Variants in CLEC16A observed in about 807,000 individuals in gnomAD.
The protein encoded by CLEC16A is C-type lectin domain containing 16A, also known as protein CLEC16A.
Under a neutral mutation model 109.5 loss-of-function variants are expected in CLEC16A, and 51 were observed. The observed-to-expected ratio is 0.47, with a 90% CI of 0.37 to 0.59. CLEC16A has a LOEUF of 0.59. Among genes scored for constraint, CLEC16A ranks in the 20% least tolerant of loss-of-function variants. CLEC16A has a pLI of 0.00. For missense variants in CLEC16A, 1,339 were observed against 1,394.0 expected, an observed-to-expected ratio of 0.96 and a Z score of 0.63; for synonymous variants, 673 against 564.2, an observed-to-expected ratio of 1.19 and a Z score of -2.73.
intron 8 of CLEC16A, among the ~76,000 whole-genome samples, chr16:10,979,008 CG>C (rs1239005748): frequency 2.6e-5 from 4 of 152,050 alleles, no homozygotes; most frequent in African/African-American, 9.7e-5. Flanking sequence ...CCTCTCCTGC[CG>C]GGGCGTCCAG....
intron 5 of CLEC16A, 103 bp from the exon 6 acceptor site, chr16:10,972,451 C>A: frequency 9.9e-7 from 1 of 1,007,910 alleles, no homozygotes; most frequent in Non-Finnish European, 1.6e-6. Context: ...CCTAGTCTCT[C>A]TCCCTCTGAG....
intron 23 of CLEC16A, among the ~76,000 whole-genome samples, chr16:11,167,951 G>A (rs1237695645): frequency 6.6e-6 from 1 of 152,208 alleles, no homozygotes; most frequent in African/African-American, 2.4e-5. Flanking sequence ...ATGCAGGGTT[G>A]TGTGTTCATG....
At chr16:11,123,405 C>T (rs1240589952) in intron 20 of CLEC16A, among the ~76,000 whole-genome samples, 1 of 152,192 alleles carries the variant, frequency 6.6e-6, no homozygotes, top group African/African-American at 2.4e-5. Context: ...AAGAGTTTGC[C>T]TGTGGTGTTA....
Position 10,990,389 on chromosome 16 carries a change from G to A in CLEC16A, c.1071+7398G>A, listed in dbSNP as rs572073929. On this transcript the variant is annotated intron_variant, in intron 10 of 23. Coordinates refer to ENST00000409790, the MANE Select transcript of CLEC16A (RefSeq NM_015226.3). ...GCGTATCGTTGTCTGAGAAACAGTT[G>A]CGTCTCTCTGTTTCCTGGGGCAGAA... Among the ~76,000 whole-genome samples, 8 of 152,360 alleles carry A rather than the reference G, an allele frequency of 5.3e-5. No homozygotes were observed. The South Asian group carries it at 1.7e-3, about 32-fold the overall frequency.
intron 19 of CLEC16A, among the ~76,000 whole-genome samples, chr16:11,091,365 C>T (rs192609211): frequency 2.1e-4 from 32 of 152,346 alleles, no homozygotes; most frequent in African/African-American, 5.3e-4. Flanking sequence ...TGGATGCCCC[C>T]GGGTCTGGCC....
At chr16:11,157,138 A>G in intron 22 of CLEC16A, 3 of 1,283,020 alleles carry the variant, frequency 2.3e-6, no homozygotes, top group Non-Finnish European at 3.1e-6. Context: ...GCTATAGGCT[A>G]AAAGACTCTG....
At chr16:11,023,951 G>A (rs1379806683) in intron 12 of CLEC16A, among the ~76,000 whole-genome samples, 1 of 152,190 alleles carries the variant, frequency 6.6e-6, no homozygotes, top group Non-Finnish European at 1.5e-5. Flanking sequence ...TTTCTGTGAG[G>A]CCCTTCACCT....
chr16:11,170,509 C>T (rs2068463008), intron 23 of CLEC16A, among the ~76,000 whole-genome samples: 1 of 152,218 alleles, frequency 6.6e-6, no homozygotes, highest in Non-Finnish European at 1.5e-5. Flanking sequence ...TTCTCACCTT[C>T]CCGTGGGGAC....
chr16:11,123,695 C>T, intron 20 of CLEC16A, 47 bp from the exon 21 acceptor site: 4 of 1,589,520 alleles, frequency 2.5e-6, no homozygotes, highest in Non-Finnish European at 2.6e-6. Context: ...TAGCCACCCT[C>T]CTCCCAAACC....
chr16:10,986,874 GAC>G (rs1454658812), intron 10 of CLEC16A, among the ~76,000 whole-genome samples: 5 of 149,132 alleles, frequency 3.4e-5, no homozygotes, highest in African/African-American at 1.2e-4. Context: ...TTTTGTTTTT[GAC>G]AGAGTCTGGC....
chr16:11,135,006 C>T (rs2053473548), intron 22 of CLEC16A, among the ~76,000 whole-genome samples: 1 of 152,228 alleles, frequency 6.6e-6, no homozygotes, highest in African/African-American at 2.4e-5. Flanking sequence ...CTGAGACCAC[C>T]ACTTCCAAAC....
intron 20 of CLEC16A, among the ~76,000 whole-genome samples, chr16:11,123,456 T>C (rs1597462863): frequency 6.6e-6 from 1 of 152,180 alleles, no homozygotes; most frequent in African/African-American, 2.4e-5. Context: ...TACGCTGTTA[T>C]TCATGAGCTG....
At chr16:10,967,748 C>T (rs544659825) in intron 3 of CLEC16A, among the ~76,000 whole-genome samples, 2 of 152,132 alleles carry the variant, frequency 1.3e-5, no homozygotes, top group African/African-American at 2.4e-5. Flanking sequence ...GAAACTGGGG[C>T]GTGGGGAGGG....
chr16:11,031,105 G>A (rs2046716022), intron 13 of CLEC16A, among the ~76,000 whole-genome samples: 1 of 152,062 alleles, frequency 6.6e-6, no homozygotes, highest in African/African-American at 2.4e-5. Flanking sequence ...GGACTGCTAG[G>A]CCTTGGAAGG....
At chr16:11,111,325 G>C (rs1245050088) in intron 19 of CLEC16A, among the ~76,000 whole-genome samples, 4 of 152,196 alleles carry the variant, frequency 2.6e-5, no homozygotes, top group African/African-American at 9.6e-5. Context: ...TAGACTGGGA[G>C]CTGGCTGTGG....
At chr16:10,976,223 T>C (rs1466715873) in intron 7 of CLEC16A, among the ~76,000 whole-genome samples, 1 of 152,144 alleles carries the variant, frequency 6.6e-6, no homozygotes, top group Non-Finnish European at 1.5e-5. Flanking sequence ...TGAGCTGTGC[T>C]CATGCCACAG....
chr16:11,128,551 T>C, intron 22 of CLEC16A, among the ~76,000 whole-genome samples: 1 of 152,320 alleles, frequency 6.6e-6, no homozygotes, highest in Non-Finnish European at 1.5e-5. Flanking sequence ...CACTCAGCTA[T>C]GAGGAGTGAG....
rs1382672955 is a variant in CLEC16A at position 11,125,996 on chromosome 16, A to G, written c.2491A>G (p.Ile831Val). 1.6e-5 allele frequency: 26 copies of G among 1,591,644 alleles called. No individual in the cohort carries two copies. The highest frequency in any genetic ancestry group is 4.2e-5 in the African/African-American group (3 of 70,966). The change falls in exon 22 of 24, where the codon ATC (isoleucine) becomes GTC (valine). Residue 831 changes from isoleucine to valine, a missense_variant. Ile to Val is a conservative substitution (Grantham distance 29). Coordinates refer to ENST00000409790, the MANE Select transcript of CLEC16A (RefSeq NM_015226.3). The part of the protein sequence containing the change: ...QRIAALLDLP[I>V]QPTTEVLGFG... ...GACCGTAGCCCTCCTGGACCTCCCA[A>G]TCCAGCCCACCACTGAAGTCCTGGG...
At chr16:11,108,490 C>T (rs1048548893) in intron 19 of CLEC16A, among the ~76,000 whole-genome samples, 3 of 152,244 alleles carry the variant, frequency 2.0e-5, no homozygotes, top group Admixed American at 1.3e-4. Context: ...CAGCCAACAT[C>T]TCCCACCCAC....
Sources: allele counts gnomAD v4.1 joint callset (sites outside exome capture counted in the v4.1 genomes callset), GRCh38; gene constraint gnomAD v4.1.1; transcripts MANE v1.5; gene names NCBI Gene and HGNC (gene_info 2026-07-23, HGNC 2026-07-21).